Variants in CNBD1 observed in about 807,000 individuals in gnomAD.
The protein encoded by CNBD1 is cyclic nucleotide binding domain containing 1.
A neutral mutation model predicts 54.4 loss-of-function variants in CNBD1; 71 were observed. That is an observed-to-expected ratio of 1.30 (90% confidence interval 1.08 to 1.59). The LOEUF (loss-of-function observed/expected upper bound fraction) is 1.59. Among genes scored for constraint, CNBD1 ranks in the 40% most tolerant of loss-of-function variants. The pLI is 0.00. For synonymous variants in CNBD1, 182 were observed against 170.7 expected (o/e 1.07, Z -0.51); for missense variants, 659 against 518.0 (o/e 1.27, Z -2.64).
chr8:87,242,266 A>G (rs377153484), intron 6 of CNBD1, among the ~76,000 whole-genome samples: 2 of 152,294 alleles, frequency 1.3e-5, no homozygotes, highest in South Asian at 4.1e-4. Flanking sequence ...TCAATATTCT[A>G]TAGAAAATCG....
intron 4 of CNBD1, among the ~76,000 whole-genome samples, chr8:87,184,543 T>C (rs1813433195): frequency 1.3e-5 from 2 of 150,830 alleles, no homozygotes; most frequent in Non-Finnish European, 2.9e-5. Context: ...CCTGGCAGTT[T>C]TCCCTGCCAA....
chr8:87,371,812 A>G (rs944098252), intron 10 of CNBD1, among the ~76,000 whole-genome samples: 1 of 152,122 alleles, frequency 6.6e-6, no homozygotes, highest in Non-Finnish European at 1.5e-5. Flanking sequence ...AACTCTCAAT[A>G]AATTAGGTAT....
chr8:87,333,270 G>C (rs2130912134), intron 8 of CNBD1, among the ~76,000 whole-genome samples: 1 of 152,202 alleles, frequency 6.6e-6, no homozygotes, highest in Non-Finnish European at 1.5e-5. Flanking sequence ...AGGAGTTTTT[G>C]GGATGAGACA....
chr8:87,084,161 T>A (rs962332169), intron 4 of CNBD1, among the ~76,000 whole-genome samples: 32 of 152,364 alleles, frequency 2.1e-4, no homozygotes, highest in African/African-American at 7.7e-4. Context: ...ATTGTATATA[T>A]GTTGTAAAAC....
At chr8:87,214,694 G>A (rs917701920) in intron 5 of CNBD1, among the ~76,000 whole-genome samples, 14 of 152,134 alleles carry the variant, frequency 9.2e-5, no homozygotes, top group Admixed American at 2.0e-4. Context: ...TGTGACTAGC[G>A]AGGCCTCACA....
At chr8:87,388,008 G>A (rs539086904) in intron 2 of CNBD1, among the ~76,000 whole-genome samples, 53 of 152,202 alleles carry the variant, frequency 3.5e-4, no homozygotes, top group Non-Finnish European at 1.0e-4. Context: ...AATGACTACT[G>A]GGTACATAAC....
intron 4 of CNBD1, among the ~76,000 whole-genome samples, chr8:87,012,154 C>A (rs567104724): frequency 6.6e-6 from 1 of 152,066 alleles, no homozygotes; most frequent in Non-Finnish European, 1.5e-5. Flanking sequence ...TCTTTAAGAG[C>A]CGATAAATGA....
At chr8:86,960,356 G>A (rs558754132) in intron 4 of CNBD1, among the ~76,000 whole-genome samples, 3 of 152,200 alleles carry the variant, frequency 2.0e-5, no homozygotes, top group African/African-American at 7.2e-5. Context: ...TGGCTCAGAG[G>A]GTCCCACACC....
chr8:87,082,121 A>C lies in CNBD1; in HGVS notation c.432-123872A>C, dbSNP rs564045631. ...CATCCAGATGACCTGGAGCAACTGA[A>C]GAACCACAAAGATGACATTTCACCA... On this transcript the variant is annotated intron_variant, in intron 4 of 10. Transcript: ENST00000518476. Among the ~76,000 whole-genome samples the C allele has an allele frequency of 6.1e-3, 930 of 152,306 alleles. 1 individual carries two copies. The highest frequency in any genetic ancestry group is 0.011 in the Non-Finnish European group (727 of 68,010).
At chr8:86,868,530 A>T (rs891305949) in intron 1 of CNBD1, among the ~76,000 whole-genome samples, 4 of 151,798 alleles carry the variant, frequency 2.6e-5, no homozygotes, top group Non-Finnish European at 4.4e-5. Context: ...ATGGGGTTTC[A>T]CTGTGTTGGC....
intron 4 of CNBD1, among the ~76,000 whole-genome samples, chr8:87,095,697 G>A (rs944423058): frequency 1.3e-5 from 2 of 152,058 alleles, no homozygotes; most frequent in African/African-American, 2.4e-5. Context: ...TCGCTCTGTC[G>A]CCCAGGCTGG....
downstream of CNBD1, among the ~76,000 whole-genome samples, chr8:87,386,368 A>AC (rs1450739999): frequency 6.6e-6 from 1 of 152,168 alleles, no homozygotes; most frequent in East Asian, 1.9e-4. Context: ...ACCTTGAAAA[A>AC]AAAATTAGAT....
intron 8 of CNBD1, among the ~76,000 whole-genome samples, chr8:87,299,575 A>G (rs1563542650): frequency 6.6e-6 from 1 of 152,234 alleles, no homozygotes; most frequent in Admixed American, 6.5e-5. Flanking sequence ...CCAGAAAATC[A>G]TAGATTAAAT....
At chr8:86,878,733 G>A (rs1289506490) in intron 1 of CNBD1, among the ~76,000 whole-genome samples, 7 of 152,178 alleles carry the variant, frequency 4.6e-5, no homozygotes. Flanking sequence ...AGCTGTATCA[G>A]CTTCCCCTGG....
intron 4 of CNBD1, among the ~76,000 whole-genome samples, chr8:86,952,391 T>C (rs1457919178): frequency 6.6e-6 from 1 of 152,184 alleles, no homozygotes; most frequent in African/African-American, 2.4e-5. Flanking sequence ...TGTGCTTTAA[T>C]TATGTACTGC....
At position 87,039,751 on chromosome 8, in the gene CNBD1, T is replaced by G. The variant is rs1484217234; in HGVS notation, c.431+99997T>G. ...GGGATTGACATTTTTAAGGACAATT[T>G]GTTGGATAGGGGCCAGTGAACTGGA... On this transcript the variant is annotated intron_variant, in intron 4 of 10. Coordinates refer to ENST00000518476, the MANE Select transcript of CNBD1 (RefSeq NM_173538.3). 5.3e-5 allele frequency among the ~76,000 whole-genome samples: 8 copies of G among 152,178 alleles called. No homozygotes were observed. The East Asian group carries it at 5.8e-4, about 11-fold the overall frequency.
At chr8:86,981,108 A>G (rs1049522075) in intron 4 of CNBD1, among the ~76,000 whole-genome samples, 3 of 152,250 alleles carry the variant, frequency 2.0e-5, no homozygotes, top group Non-Finnish European at 2.9e-5. Context: ...AGTAGAGAAT[A>G]TAATTTGGAT....
chr8:86,991,731 T>G (rs898009869), intron 4 of CNBD1, among the ~76,000 whole-genome samples: 1 of 152,188 alleles, frequency 6.6e-6, no homozygotes, highest in Non-Finnish European at 1.5e-5. Context: ...TTCATTAATT[T>G]CAATGAATTT....
chr8:87,250,155 T>C (rs1807884579), intron 6 of CNBD1, among the ~76,000 whole-genome samples: 1 of 152,108 alleles, frequency 6.6e-6, no homozygotes, highest in African/African-American at 2.4e-5. Context: ...AATTACAAAA[T>C]GGACAAAGGA....
Sources: allele counts gnomAD v4.1 joint callset (sites outside exome capture counted in the v4.1 genomes callset), GRCh38; gene constraint gnomAD v4.1.1; transcripts MANE v1.5; gene names NCBI Gene and HGNC (gene_info 2026-07-23, HGNC 2026-07-21).